BCAR3: variants seen among roughly 807,000 people sequenced by gnomAD.
BCAR3 encodes BCAR3 adaptor protein, NSP family member.
A neutral mutation model predicts 80.1 loss-of-function variants in BCAR3; 37 were observed. That is an observed-to-expected ratio of 0.46 (90% CI 0.36 to 0.61). BCAR3 has a LOEUF of 0.61. Ranked by LOEUF, BCAR3 falls within the 20% of genes least tolerant of loss-of-function variation. BCAR3 has a pLI of 0.00. For synonymous variants in BCAR3, 389 were observed against 418.9 expected (o/e 0.93, Z 0.87); for missense variants, 978 against 1,068.2 (o/e 0.92, Z 1.18).
chr1:93,639,187 G>GAA (rs1675900443), intron 3 of BCAR3, among the ~76,000 whole-genome samples: 1 of 152,058 alleles, frequency 6.6e-6, no homozygotes, highest in Admixed American at 6.5e-5. Context: ...CGAGAAACCG[G>GAA]TCCCCTTTCA....
rs1285911413 is a variant in BCAR3 at position 93,786,069 on chromosome 1, TGTA to T, written c.-63+59495_-63+59497del. ...TTAGCCGGGCGTGGTGGCGGGCGCC[TGTA>T]GTCCCAGCTACTCGGGAGGCTGAGG... On this transcript the variant is annotated intron_variant, in intron 2 of 13. Coordinates refer to the BCAR3 transcript ENST00000370244. Among the ~76,000 whole-genome samples, 2 of 140,840 alleles carry T rather than the reference TGTA, an allele frequency of 1.4e-5. 1 individual carries two copies. Among genetic ancestry groups the T allele is most frequent in the Admixed American group, 1.4e-4 (2 of 14,026 alleles). 92.4% of individuals were successfully genotyped at this position (140,840 alleles called of 152,430 possible). A position where few individuals can be genotyped will look rare whatever the true frequency, so the allele number is the denominator to read the frequency against.
chr1:93,632,169 G>C (rs1010083818), intron 3 of BCAR3, among the ~76,000 whole-genome samples: 1 of 152,222 alleles, frequency 6.6e-6, no homozygotes, highest in Admixed American at 6.5e-5. Flanking sequence ...GATTGTGCAA[G>C]ATCATAAAAT....
chr1:93,810,014 A>T (rs1379087817), intron 2 of BCAR3, among the ~76,000 whole-genome samples: 1 of 151,718 alleles, frequency 6.6e-6, no homozygotes, highest in Non-Finnish European at 1.5e-5. Context: ...CAGCCTGGCC[A>T]AGATAGCTCT....
intron 2 of BCAR3, among the ~76,000 whole-genome samples, chr1:93,808,453 G>T (rs1653726789): frequency 6.6e-6 from 1 of 152,174 alleles, no homozygotes; most frequent in Non-Finnish European, 1.5e-5. Context: ...AAGCAGAATT[G>T]TACCTCCTGT....
intron 2 of BCAR3, among the ~76,000 whole-genome samples, chr1:93,805,071 A>G (rs937707829): frequency 2.6e-5 from 4 of 152,264 alleles, no homozygotes; most frequent in Admixed American, 1.3e-4. Flanking sequence ...CAGGATCTTC[A>G]TCATAACATT....
chr1:93,695,160 C>A (rs1649345705), intron 3 of BCAR3, among the ~76,000 whole-genome samples: 1 of 152,198 alleles, frequency 6.6e-6, no homozygotes, highest in South Asian at 2.1e-4. Flanking sequence ...CCCTGCCCAC[C>A]CATGGTTAAT....
chr1:93,667,170 C>T (rs77712333), intron 2 of BCAR3, among the ~76,000 whole-genome samples: 4,066 of 152,314 alleles, frequency 0.027, 80 homozygotes, highest in Non-Finnish European at 0.038. Context: ...TTGATAGCCA[C>T]GGCTACGTCG....
chr1:93,575,041 C>A lies in BCAR3; in HGVS notation c.1802+973G>T, dbSNP rs1673396531. On this transcript the variant is annotated intron_variant, in intron 8 of 11. Coordinates refer to ENST00000260502, the MANE Select transcript of BCAR3 (RefSeq NM_003567.4). ...AAACTCTAAAGCAGCGACATCCATCCCCCGAGAAGTGGCTTTTTACCGTGA... is the reference window on the plus strand; with the variant it reads ...AAACTCTAAAGCAGCGACATCCATCACCCGAGAAGTGGCTTTTTACCGTGA... 1.3e-5 allele frequency among the ~76,000 whole-genome samples: 2 copies of A among 152,130 alleles called. 1 individual carries two copies. The highest frequency in any genetic ancestry group is 4.2e-4 in the South Asian group (2 of 4,814).
chr1:93,715,972 G>A (rs12126351), intron 2 of BCAR3, among the ~76,000 whole-genome samples: 8,819 of 152,282 alleles, frequency 0.058, 341 homozygotes, highest in Middle Eastern at 0.15. Context: ...ACCCTGCCAA[G>A]TTTACTTTGG....
chr1:93,695,026 T>C (rs190084161), intron 3 of BCAR3, among the ~76,000 whole-genome samples: 1 of 152,336 alleles, frequency 6.6e-6, no homozygotes, highest in East Asian at 1.9e-4. Context: ...ATAGCCTCTT[T>C]CTGCCCACAT....
intron 3 of BCAR3, among the ~76,000 whole-genome samples, chr1:93,611,740 C>T (rs1674956314): frequency 6.6e-6 from 1 of 152,174 alleles, no homozygotes; most frequent in Non-Finnish European, 1.5e-5. Context: ...TCTAAAAACA[C>T]CTGTATAATC....
chr1:93,659,402 A>G (rs1302336513), intron 2 of BCAR3, among the ~76,000 whole-genome samples: 1 of 151,758 alleles, frequency 6.6e-6, no homozygotes, highest in South Asian at 2.1e-4. Flanking sequence ...TATGTTGTCC[A>G]GGCTGTTCTC....
At chr1:93,781,160 GGC>G (rs1433073681) in intron 2 of BCAR3, among the ~76,000 whole-genome samples, 1 of 152,250 alleles carries the variant, frequency 6.6e-6, no homozygotes, top group African/African-American at 2.4e-5. Flanking sequence ...TTCTTGGAGA[GGC>G]AGAAAATAAG....
intron 3 of BCAR3, among the ~76,000 whole-genome samples, chr1:93,606,629 C>T (rs2101873304): frequency 6.6e-6 from 1 of 152,166 alleles, no homozygotes; most frequent in South Asian, 2.1e-4. Context: ...GCCATGGGGT[C>T]CAGGTGCTAT....
intron 3 of BCAR3, among the ~76,000 whole-genome samples, chr1:93,615,681 C>T (rs1038300659): frequency 3.3e-5 from 5 of 152,154 alleles, no homozygotes; most frequent in Non-Finnish European, 5.9e-5. Flanking sequence ...TGTGAGGAAG[C>T]GTTTTCTGGC....
At chr1:93,724,311 C>G (rs1359719592) in intron 2 of BCAR3, among the ~76,000 whole-genome samples, 1 of 152,208 alleles carries the variant, frequency 6.6e-6, no homozygotes, top group Non-Finnish European at 1.5e-5. Context: ...TGTGAATGGA[C>G]TTCCGAAAGG....
chr1:93,610,161 G>T (rs1674907345), intron 3 of BCAR3, among the ~76,000 whole-genome samples: 1 of 152,196 alleles, frequency 6.6e-6, no homozygotes, highest in African/African-American at 2.4e-5. Flanking sequence ...GGATGCAATG[G>T]GATGAAAGCC....
chr1:93,673,835 G>A (rs1208935476), intron 2 of BCAR3, among the ~76,000 whole-genome samples: 1 of 152,170 alleles, frequency 6.6e-6, no homozygotes, highest in Admixed American at 6.5e-5. Flanking sequence ...GAGATATGGG[G>A]TCTAATTTAT....
chr1:93,613,979 G>A (rs1675029989), intron 3 of BCAR3: 1 of 1,548,048 alleles, frequency 6.5e-7, no homozygotes. Flanking sequence ...AGGGTTAAAA[G>A]AAAGGGGGCT....
Sources: gnomAD v4.1 joint callset for allele counts (sites outside exome capture counted in the v4.1 genomes callset) on GRCh38, gnomAD v4.1.1 for gene constraint, MANE v1.5 for transcripts, NCBI Gene and HGNC (gene_info 2026-07-23, HGNC 2026-07-21) for gene names.